Variants in TYW3 observed in about 807,000 individuals in gnomAD.
The protein encoded by TYW3 is tRNA-yW synthesizing protein 3 homolog.
In TYW3, 26 loss-of-function variants were observed where a neutral mutation model predicts 23.1. The observed-to-expected ratio is 1.13, with a 90% CI of 0.83 to 1.56. The LOEUF (loss-of-function observed/expected upper bound fraction) is 1.56. Among genes scored for constraint, TYW3 ranks in the 40% most tolerant of loss-of-function variants. TYW3 has a pLI of 0.00. For missense variants in TYW3, 316 were observed against 311.9 expected, an observed-to-expected ratio of 1.01 and a Z score of -0.10; for synonymous variants, 102 against 105.7, an observed-to-expected ratio of 0.97 and a Z score of 0.21.
intron 5 of TYW3, among the ~76,000 whole-genome samples, chr1:74,761,491 GA>G (rs1166971159): frequency 6.6e-6 from 1 of 151,516 alleles, no homozygotes; most frequent in East Asian, 1.9e-4. Context: ...GTATAATCCA[GA>G]AAAAAACACT....
At position 74,733,287 on chromosome 1, in the gene TYW3, T is replaced by C. The variant is rs1273318493; in HGVS notation, c.43T>C (p.Leu15=). Residue 15 remains leucine (L), a synonymous_variant, in exon 1 of 6, where the codon TTG becomes CTG. Transcript: ENST00000370867. ...AEFRKWKAQC[L]SKADLSRKGS... is the part of the protein sequence containing the mutation. ...GTTCAGGAAATGGAAGGCGCAATGT[T>C]TGAGCAAAGCGGACCTCAGCCGGAA... 6.2e-7 allele frequency: 1 copy of C among 1,614,160 alleles called. No individual in the cohort carries two copies.
At chr1:74,759,897 GC>G (rs1409463534) in intron 5 of TYW3, among the ~76,000 whole-genome samples, 1 of 152,126 alleles carries the variant, frequency 6.6e-6, no homozygotes, top group Non-Finnish European at 1.5e-5. Context: ...GCCCGCCTTG[GC>G]CTCCCAAAGT....
chr1:74,747,506 G>A (rs1383003131), intron 3 of TYW3, among the ~76,000 whole-genome samples: 9 of 150,140 alleles, frequency 6.0e-5, no homozygotes, highest in East Asian at 3.9e-4. Context: ...GCGTAGTGGC[G>A]GGCGCCTGTA....
chr1:74,762,815 T>TG (rs1455630148), intron 5 of TYW3, among the ~76,000 whole-genome samples: 1 of 152,160 alleles, frequency 6.6e-6, no homozygotes, highest in Admixed American at 6.5e-5. Context: ...CACCATGCTA[T>TG]GCTGCCTGCT....
At chr1:74,753,935 A>G (rs565945685) in intron 5 of TYW3, among the ~76,000 whole-genome samples, 11 of 152,334 alleles carry the variant, frequency 7.2e-5, no homozygotes, top group East Asian at 5.8e-4. Flanking sequence ...TTAGGGTACT[A>G]GAGCTTAATT....
intron 3 of TYW3, among the ~76,000 whole-genome samples, chr1:74,739,305 A>G (rs1024332797): frequency 2.6e-5 from 4 of 152,184 alleles, no homozygotes; most frequent in African/African-American, 9.7e-5. Flanking sequence ...AAGATTAAAG[A>G]CTGTCTTGGT....
intron 2 of TYW3, among the ~76,000 whole-genome samples, chr1:74,738,000 C>T (rs924065372): frequency 6.6e-6 from 1 of 151,834 alleles, no homozygotes; most frequent in Non-Finnish European, 1.5e-5. Flanking sequence ...GTCTGAAATA[C>T]AGAAAGCTAG....
intron 3 of TYW3, among the ~76,000 whole-genome samples, chr1:74,747,228 C>T (rs970686959): frequency 4.6e-5 from 7 of 151,974 alleles, no homozygotes; most frequent in East Asian, 3.8e-4. Context: ...TTGAGGTAAT[C>T]GTAGAGGTAG....
intron 5 of TYW3, among the ~76,000 whole-genome samples, chr1:74,762,761 C>T (rs919374571): frequency 2.6e-5 from 4 of 152,108 alleles, no homozygotes; most frequent in African/African-American, 9.7e-5. Context: ...AATTAGCTGA[C>T]ATCACCTTTC....
At chr1:74,759,764 T>C (rs1384526413) in intron 5 of TYW3, among the ~76,000 whole-genome samples, 1 of 152,154 alleles carries the variant, frequency 6.6e-6, no homozygotes, top group Admixed American at 6.5e-5. Context: ...CACCTCAGCT[T>C]CCCGAGTAGC....
intron 3 of TYW3, among the ~76,000 whole-genome samples, chr1:74,739,511 G>A (rs927812328): frequency 5.9e-5 from 9 of 152,222 alleles, no homozygotes; most frequent in Non-Finnish European, 1.3e-4. Context: ...GGAACAGAAA[G>A]AGCTAGGCAT....
intron 5 of TYW3, among the ~76,000 whole-genome samples, chr1:74,763,369 G>T (rs1649191900): frequency 6.6e-6 from 1 of 151,978 alleles, no homozygotes; most frequent in Non-Finnish European, 1.5e-5. Context: ...ACATAATGTT[G>T]TACTGCCACT....
Position 74,733,224 on chromosome 1 carries a change from C to T in TYW3, c.-21C>T, listed in dbSNP as rs1261661410. 1.9e-6 allele frequency: 3 copies of T among 1,612,408 alleles called. No homozygotes were observed. Among genetic ancestry groups the T allele is most frequent in the Non-Finnish European group, 1.7e-6 (2 of 1,179,134 alleles). On this transcript the variant is annotated 5_prime_UTR_variant, in exon 1 of 6. Coordinates refer to ENST00000370867, the MANE Select transcript of TYW3 (RefSeq NM_138467.3). ...GAGGCTACCATGAAGGAGCCGAGCG[C>T]AGACCCTGAGTCCGTCACCCATGGA...
At chr1:74,753,717 A>G (rs1648864596) in intron 5 of TYW3, among the ~76,000 whole-genome samples, 1 of 152,256 alleles carries the variant, frequency 6.6e-6, no homozygotes, top group South Asian at 2.1e-4. Flanking sequence ...CAGGATAGCC[A>G]TTCTCCTTCA....
Position 74,742,478 on chromosome 1 carries a change from G to A in TYW3, c.354+3690G>A. ...AAGTCCCCACTCTGTTTCGGTTGGG[G>A]AATACTGGAGCTTAACCTCTTGGAG... On this transcript the variant is annotated intron_variant, in intron 3 of 5. Transcript: ENST00000370867. Among the ~76,000 whole-genome samples the A allele has an allele frequency of 1.3e-5, 2 of 152,170 alleles. 1 individual carries two copies.
intron 3 of TYW3, chr1:74,748,492 C>T: frequency 5.1e-6 from 2 of 391,392 alleles, no homozygotes; most frequent in Non-Finnish European, 4.5e-6. Flanking sequence ...AATCACTAGC[C>T]AAATGTCACT....
intron 3 of TYW3, among the ~76,000 whole-genome samples, chr1:74,747,433 C>G (rs1008975425): frequency 3.3e-5 from 5 of 151,434 alleles, no homozygotes; most frequent in African/African-American, 4.9e-5. Flanking sequence ...GTCAGGAGAT[C>G]GAGACCATCC....
At chr1:74,740,094 G>A (rs1220838027) in intron 3 of TYW3, among the ~76,000 whole-genome samples, 1 of 152,228 alleles carries the variant, frequency 6.6e-6, no homozygotes, top group Non-Finnish European at 1.5e-5. Flanking sequence ...GAATGAAGCC[G>A]TGGACCCTCG....
chr1:74,760,238 G>T (rs1298343791), intron 5 of TYW3, among the ~76,000 whole-genome samples: 1 of 152,012 alleles, frequency 6.6e-6, no homozygotes, highest in African/African-American at 2.4e-5. Context: ...TATCTCAGGG[G>T]TGGCAGAGGC....
Sources: gnomAD v4.1 joint callset for allele counts (sites outside exome capture counted in the v4.1 genomes callset) on GRCh38, gnomAD v4.1.1 for gene constraint, MANE v1.5 for transcripts, NCBI Gene and HGNC (gene_info 2026-07-23, HGNC 2026-07-21) for gene names.